JMY: variants seen among roughly 807,000 people sequenced by gnomAD.
JMY encodes junction-mediating and -regulatory protein.
A neutral mutation model predicts 103.3 loss-of-function variants in JMY; 46 were observed. The observed-to-expected ratio is 0.45, with a 90% CI of 0.35 to 0.57. JMY has a LOEUF of 0.57. JMY is among the 20% of genes least tolerant of loss of function. JMY has a pLI of 0.00. For synonymous variants in JMY, 526 were observed against 489.3 expected, an observed-to-expected ratio of 1.07 and a Z score of -0.99; for missense variants, 1,238 against 1,255.2, an observed-to-expected ratio of 0.99 and a Z score of 0.21.
chr5:79,259,465 G>A (rs998409399), intron 1 of JMY, among the ~76,000 whole-genome samples: 1 of 152,214 alleles, frequency 6.6e-6, no homozygotes, highest in Non-Finnish European at 1.5e-5. Context: ...GGCCCTCCCC[G>A]ACTTGAAGGT....
chr5:79,253,299 C>CT (rs1014418192), intron 1 of JMY, among the ~76,000 whole-genome samples: 2,883 of 148,596 alleles, frequency 0.019, 92 homozygotes, highest in African/African-American at 0.067. Context: ...ATCATTTAAT[C>CT]TTTTTTTTTT....
chr5:79,256,740 T>C (rs886668178), intron 1 of JMY, among the ~76,000 whole-genome samples: 2 of 152,076 alleles, frequency 1.3e-5, no homozygotes, highest in African/African-American at 4.8e-5. Flanking sequence ...CCCATTGTGC[T>C]GACCTTCCTG....
intron 4 of JMY, among the ~76,000 whole-genome samples, chr5:79,294,532 G>T (rs571428187): frequency 6.6e-6 from 1 of 152,264 alleles, no homozygotes; most frequent in African/African-American, 2.4e-5. Context: ...AAACCCTTTA[G>T]ATTCCAATTC....
Position 79,306,474 on chromosome 5 carries a change from T to A in JMY, c.1968+13T>A, listed in dbSNP as rs753508457. On this transcript the variant is annotated intron_variant, in intron 7 of 10. Transcript: ENST00000396137. ...CACAGTACAACTAGTAAGTTTGGAT[T>A]CGAAGATTTTGAACAAAACTTAATT... The A allele has an allele frequency of 6.3e-7, 1 of 1,577,840 alleles. No individual in the cohort carries two copies. The highest frequency in any genetic ancestry group is 1.4e-5 in the African/African-American group (1 of 73,996).
intron 7 of JMY, among the ~76,000 whole-genome samples, chr5:79,310,087 A>C (rs1747004668): frequency 2.6e-5 from 2 of 77,074 alleles, no homozygotes; most frequent in African/African-American, 9.3e-5. Flanking sequence ...TTTTTTTGAG[A>C]TGGAGTCTTA....
chr5:79,314,151 A>G, intron 8 of JMY, 106 bp from the exon 9 acceptor site: 1 of 1,493,270 alleles, frequency 6.7e-7, no homozygotes. Context: ...GAGCCACCAC[A>G]CCCGGCCACA....
intron 4 of JMY, among the ~76,000 whole-genome samples, chr5:79,299,631 A>T (rs781721022): frequency 1.3e-5 from 2 of 152,158 alleles, no homozygotes; most frequent in African/African-American, 2.4e-5. Flanking sequence ...ATCTAAAGCA[A>T]TTGTCTTCTG....
intron 1 of JMY, among the ~76,000 whole-genome samples, chr5:79,263,791 C>CCAT (rs1202430452): frequency 1.3e-5 from 2 of 151,670 alleles, no homozygotes; most frequent in African/African-American, 4.9e-5. Context: ...ATGTGTGCCA[C>CCAT]CATGTCCGTC....
rs1468721919 is a variant in JMY, at chr5:79,324,676, G to C, written c.*3074G>C. On this transcript the variant is annotated 3_prime_UTR_variant, in exon 11 of 11. Coordinates refer to ENST00000396137, the MANE Select transcript of JMY (RefSeq NM_152405.5). The stretch of plus-strand genomic sequence containing the variant: ...CCTGGCTAAAGAGGATTTTTTAAAA[G>C]ATGAAGAATGGTTTTGCTTGTATTA... 2.0e-5 allele frequency: 3 copies of C among 152,198 alleles called. No individual in the cohort carries two copies. The highest frequency in any genetic ancestry group is 4.4e-5 in the Non-Finnish European group (3 of 68,020). The allele number at this position is 152,198 out of a possible 1,614,324, so 9.4% of individuals were successfully genotyped here. A position where few individuals can be genotyped will look rare whatever the true frequency, so the allele number is the denominator to read the frequency against.
intron 1 of JMY, among the ~76,000 whole-genome samples, chr5:79,252,327 TGATA>T (rs776623393): frequency 8.6e-5 from 13 of 151,542 alleles, no homozygotes; most frequent in Non-Finnish European, 1.9e-4. Flanking sequence ...AGAAAATGCT[TGATA>T]GTCAGGTTTT....
intron 4 of JMY, 102 bp from the exon 5 acceptor site, chr5:79,300,051 C>T: frequency 1.3e-6 from 1 of 785,898 alleles, no homozygotes; most frequent in Non-Finnish European, 2.0e-6. Context: ...AGAGGAATTA[C>T]TTAATAGGTT....
At chr5:79,286,518 G>T (rs1422113556) in intron 2 of JMY, among the ~76,000 whole-genome samples, 1 of 151,754 alleles carries the variant, frequency 6.6e-6, no homozygotes. Context: ...TGGCGTGCTC[G>T]TGCAATCCCA....
At chr5:79,304,506 AAAC>A (rs1460971542) in intron 6 of JMY, among the ~76,000 whole-genome samples, 2 of 152,168 alleles carry the variant, frequency 1.3e-5, no homozygotes, top group African/African-American at 4.8e-5. Context: ...CTTTGTGATT[AAAC>A]ATTTCAAGAA....
At position 79,290,278 on chromosome 5, in the gene JMY, T is replaced by G; in HGVS notation, c.1357+7T>G. On this transcript the variant is annotated splice_region_variant and intron_variant, in intron 3 of 10. Transcript: ENST00000396137. Reference sequence around the variant, plus strand: ...ACAGCTAAAGCTCAAAAAGGTAGGTTTCTCAGTAAATTTATCCTTTAGGTA... The same window carrying G: ...ACAGCTAAAGCTCAAAAAGGTAGGTGTCTCAGTAAATTTATCCTTTAGGTA... 1 of 1,465,134 alleles carries G rather than the reference T, an allele frequency of 6.8e-7. No individual in the cohort carries two copies. Among genetic ancestry groups the G allele is most frequent in the South Asian group, 1.5e-5 (1 of 64,950 alleles). 90.8% of individuals were successfully genotyped at this position (1,465,134 alleles called of 1,614,324 possible).
At chr5:79,288,713 TTTG>T (rs762267628) in intron 2 of JMY, among the ~76,000 whole-genome samples, 8 of 151,400 alleles carry the variant, frequency 5.3e-5, no homozygotes, top group African/African-American at 9.8e-5. Flanking sequence ...TTTGTTTTGT[TTTG>T]TTTTTTTTTG....
At chr5:79,268,442 C>T (rs1233201589) in intron 1 of JMY, among the ~76,000 whole-genome samples, 3 of 151,932 alleles carry the variant, frequency 2.0e-5, no homozygotes, top group Non-Finnish European at 2.9e-5. Context: ...TTATAATTCC[C>T]TAATGCTATG....
intron 7 of JMY, among the ~76,000 whole-genome samples, chr5:79,309,439 G>T (rs1047145292): frequency 1.3e-5 from 2 of 152,110 alleles, no homozygotes; most frequent in East Asian, 3.8e-4. Context: ...CCATATTGCT[G>T]TGCCGCATCC....
rs1234700775 is a variant in JMY at position 79,270,416 on chromosome 5, A to AAT, written c.1033-7487_1033-7486dup. Among the ~76,000 whole-genome samples the AAT allele has an allele frequency of 7.7e-4, 71 of 91,892 alleles. 7 individuals carry two copies. The highest frequency in any genetic ancestry group is 2.9e-3 in the African/African-American group (68 of 23,538). 60.3% of individuals were successfully genotyped at this position (91,892 alleles called of 152,430 possible). ...AATATATATTTACATAAATATTTAA[A>AAT]ATATATATTTACATAAATATTTAAA... On this transcript the variant is annotated intron_variant, in intron 1 of 10. Transcript: ENST00000396137.
chr5:79,287,442 C>T (rs1056264982), intron 2 of JMY, among the ~76,000 whole-genome samples: 4 of 152,206 alleles, frequency 2.6e-5, no homozygotes, highest in African/African-American at 7.2e-5. Context: ...CGACTAATTA[C>T]GGATCTTTAA....
Sources: gnomAD v4.1 joint callset for allele counts (sites outside exome capture counted in the v4.1 genomes callset) on GRCh38, gnomAD v4.1.1 for gene constraint, MANE v1.5 for transcripts, NCBI Gene and HGNC (gene_info 2026-07-23, HGNC 2026-07-21) for gene names.